RMP64: variants seen among roughly 807,000 people sequenced by gnomAD.
RMP64 encodes the protein nucleolus and neural progenitor protein.
the RMP64 span, chr3:113,019,658 G>T: frequency 5.6e-6 from 9 of 1,609,944 alleles, no homozygotes; most frequent in African/African-American, 1.2e-4. Context: ...GCGAGGCGGG[G>T]GGACTTACGA....
the RMP64 span, chr3:113,005,424 C>T: frequency 1.5e-6 from 1 of 686,108 alleles, no homozygotes; most frequent in Non-Finnish European, 2.6e-6. Context: ...CAATGCTGCA[C>T]TAAAGCAGCT....
the RMP64 span, chr3:113,003,065 A>AGTT: frequency 5.9e-5 from 9 of 152,516 alleles, no homozygotes; most frequent in African/African-American, 2.2e-4. Context: ...GAAGTGATAA[A>AGTT]GTTGGTACTA....
chr3:113,008,316 CCT>C, the RMP64 span: 1 of 1,614,114 alleles, frequency 6.2e-7, no homozygotes, highest in Non-Finnish European at 8.5e-7. Flanking sequence ...AAGGACTCAG[CCT>C]CTCGGAATCT....
At chr3:113,008,557 G>A in the RMP64 span, 3 of 747,904 alleles carry the variant, frequency 4.0e-6, no homozygotes, top group Non-Finnish European at 4.4e-6. Context: ...AATGCTTGAA[G>A]TGATGGATAC....
the RMP64 span, chr3:113,005,387 T>G: frequency 9.2e-3 from 5,630 of 609,946 alleles, 219 homozygotes; most frequent in African/African-American, 0.089. Context: ...ACTTTAAATG[T>G]AGACTGAACT....
the RMP64 span, chr3:113,014,002 T>C: frequency 1.2e-6 from 2 of 1,613,760 alleles, no homozygotes; most frequent in Non-Finnish European, 1.7e-6. Context: ...TCCAAATTCA[T>C]GTTTTTCAAA....
At chr3:113,010,709 G>A in the RMP64 span, 3 of 1,611,568 alleles carry the variant, frequency 1.9e-6, no homozygotes, top group African/African-American at 1.3e-5. Context: ...ACTCTTCTGT[G>A]GAGGTGGAAA....
At chr3:113,010,825 G>C in the RMP64 span, 1 of 904,808 alleles carries the variant, frequency 1.1e-6, no homozygotes, top group South Asian at 1.6e-5. Flanking sequence ...AATAAAGCAA[G>C]CAAATAACTA....
the RMP64 span, chr3:113,003,397 T>C: frequency 2.6e-5 from 4 of 152,184 alleles, no homozygotes; most frequent in Admixed American, 2.6e-4. Flanking sequence ...GTTTCTAATC[T>C]CATTTACTAG....
chr3:113,011,061 ATTC>A, the RMP64 span: 1 of 1,598,364 alleles, frequency 6.3e-7, no homozygotes. Flanking sequence ...AGACTCTCTT[ATTC>A]TTTACTGGCT....
chr3:113,012,404 A>C, the RMP64 span: 14 of 196,192 alleles, frequency 7.1e-5, no homozygotes, highest in African/African-American at 2.5e-4. Context: ...CACAGGCATT[A>C]ATTTTTTTAA....
At chr3:113,003,112 TG>T in the RMP64 span, 1 of 153,106 alleles carries the variant, frequency 6.5e-6, no homozygotes, top group Non-Finnish European at 1.5e-5. Flanking sequence ...GAGACCAAAG[TG>T]GGTGGATCCC....
chr3:113,010,271 G>GGA, the RMP64 span, among the ~76,000 whole-genome samples: 3 of 152,134 alleles, frequency 2.0e-5, no homozygotes, highest in Non-Finnish European at 2.9e-5. Flanking sequence ...ATAGAGGTAC[G>GGA]GAGAGATCAG....
At chr3:113,017,909 G>A in the RMP64 span, among the ~76,000 whole-genome samples, 5 of 152,176 alleles carry the variant, frequency 3.3e-5, no homozygotes, top group African/African-American at 4.8e-5. Flanking sequence ...GTCATTTGGT[G>A]TACACTTACG....
the RMP64 span, chr3:113,008,080 A>G: frequency 8.4e-7 from 1 of 1,188,754 alleles, no homozygotes; most frequent in Non-Finnish European, 1.2e-6. Flanking sequence ...CGGCTGCTGG[A>G]CATCACATTT....
the RMP64 span, among the ~76,000 whole-genome samples, chr3:113,016,299 A>C: frequency 3.9e-5 from 6 of 152,332 alleles, no homozygotes; most frequent in South Asian, 4.1e-4. Context: ...GGAAAAGCTG[A>C]AGGAGGAAAC....
chr3:113,014,728 A>G, the RMP64 span: 1 of 152,204 alleles, frequency 6.6e-6, no homozygotes, highest in Non-Finnish European at 1.5e-5. Flanking sequence ...AACAGTCTAT[A>G]AAGTACCACA....
the RMP64 span, among the ~76,000 whole-genome samples, chr3:113,006,380 C>T: frequency 6.6e-6 from 1 of 152,110 alleles, no homozygotes; most frequent in Non-Finnish European, 1.5e-5. Flanking sequence ...TCTGCCAGTA[C>T]GTATTAATCC....
chr3:113,010,390 G>A, the RMP64 span: 1 of 468,772 alleles, frequency 2.1e-6, no homozygotes, highest in South Asian at 2.8e-5. Flanking sequence ...CTTAACAACA[G>A]ATCTTACGGT....
Sources: allele counts gnomAD v4.1 joint callset (sites outside exome capture counted in the v4.1 genomes callset), GRCh38; gene constraint gnomAD v4.1.1; transcripts MANE v1.5; gene names NCBI Gene and HGNC (gene_info 2026-07-23, HGNC 2026-07-21).